The following DYM variants were observed in gnomAD, a reference collection of about 807,000 sequenced individuals.
DYM encodes the protein dyggve-Melchior-Clausen syndrome protein.
In DYM, 78 loss-of-function variants were observed where a neutral mutation model predicts 93.1. The ratio of observed to expected loss-of-function variants is 0.84; its 90% CI spans 0.70 to 1.01. The LOEUF (loss-of-function observed/expected upper bound fraction) is 1.01. Among genes scored for constraint, DYM ranks in the 50% least tolerant of loss-of-function variants. The pLI, the probability that DYM is intolerant of heterozygous loss-of-function variation, is 0.00. For missense variants in DYM, 789 were observed against 845.0 expected, an observed-to-expected ratio of 0.93 and a Z score of 0.82; for synonymous variants, 321 against 319.7, an observed-to-expected ratio of 1.00 and a Z score of -0.04.
Position 49,255,434 on chromosome 18 carries a change from G to A in DYM, c.1460+1576C>T, listed in dbSNP as rs370536223. On this transcript the variant is annotated intron_variant, in intron 13 of 17. Transcript: ENST00000675505. ...CTCATGCCTGTAATCCCAGCACTTTGGGAGGCAAGGTGGGCGGATCATGAG... is the reference window on the plus strand; with the variant it reads ...CTCATGCCTGTAATCCCAGCACTTTAGGAGGCAAGGTGGGCGGATCATGAG... Among the ~76,000 whole-genome samples, 19 of 152,078 alleles carry A rather than the reference G, an allele frequency of 1.2e-4. No homozygotes were observed. In the South Asian group the frequency reaches 3.9e-3, roughly 32 times the overall value.
At chr18:49,253,005 T>C (rs1440591431) in intron 13 of DYM, among the ~76,000 whole-genome samples, 2 of 152,190 alleles carry the variant, frequency 1.3e-5, no homozygotes, top group Non-Finnish European at 2.9e-5. Context: ...AGAAGGCACA[T>C]GGTCATTAAG....
intron 8 of DYM, among the ~76,000 whole-genome samples, chr18:49,290,636 C>A (rs969883806): frequency 2.6e-5 from 4 of 151,900 alleles, no homozygotes; most frequent in Admixed American, 6.6e-5. Flanking sequence ...AAAGGCCATT[C>A]ACAAACTACA....
At chr18:49,335,203 T>C (rs960376611) in intron 6 of DYM, among the ~76,000 whole-genome samples, 1 of 151,958 alleles carries the variant, frequency 6.6e-6, no homozygotes, top group Non-Finnish European at 1.5e-5. Context: ...CCTTATTACG[T>C]GGTTGAATAA....
intron 5 of DYM, among the ~76,000 whole-genome samples, chr18:49,370,357 G>GA (rs1378035782): frequency 6.6e-6 from 1 of 151,156 alleles, no homozygotes; most frequent in Non-Finnish European, 1.5e-5. Flanking sequence ...TACTTCCCTG[G>GA]ACCTTCCTTT....
chr18:49,456,369 T>C (rs569379403), intron 1 of DYM, among the ~76,000 whole-genome samples: 6 of 152,190 alleles, frequency 3.9e-5, no homozygotes, highest in Non-Finnish European at 8.8e-5. Flanking sequence ...CTGATACAGG[T>C]AGGGTTTTCA....
At chr18:49,224,017 A>G (rs1292037598) in intron 13 of DYM, among the ~76,000 whole-genome samples, 4 of 152,076 alleles carry the variant, frequency 2.6e-5, no homozygotes, top group Non-Finnish European at 5.9e-5. Context: ...TGATGAAGCA[A>G]GAGTTGACAT....
chr18:49,271,014 C>T (rs116570549), intron 11 of DYM, among the ~76,000 whole-genome samples: 174 of 152,246 alleles, frequency 1.1e-3, no homozygotes, highest in African/African-American at 3.9e-3. Context: ...CTATGTACAA[C>T]AAGGTACAGT....
chr18:49,231,691 C>G (rs1356533462), intron 13 of DYM, among the ~76,000 whole-genome samples: 1 of 152,186 alleles, frequency 6.6e-6, no homozygotes, highest in East Asian at 1.9e-4. Context: ...AGTGGATCTA[C>G]TTGTATCTGG....
chr18:49,143,886 G>A (rs753653886), intron 15 of DYM, among the ~76,000 whole-genome samples: 1 of 151,986 alleles, frequency 6.6e-6, no homozygotes, highest in Non-Finnish European at 1.5e-5. Flanking sequence ...CTTCTCCAGG[G>A]TTATTCTGAA....
chr18:49,195,505 A>G (rs1430144655), intron 14 of DYM, among the ~76,000 whole-genome samples: 1 of 152,178 alleles, frequency 6.6e-6, no homozygotes, highest in Non-Finnish European at 1.5e-5. Flanking sequence ...CACTCTTTCT[A>G]GCTAGCTATA....
chr18:49,274,379 T>C (rs2094795281), intron 10 of DYM, among the ~76,000 whole-genome samples: 1 of 152,188 alleles, frequency 6.6e-6, no homozygotes. Flanking sequence ...CACATTTCAT[T>C]TATCCATTCT....
chr18:49,179,231 A>G (rs1315933324), intron 14 of DYM, among the ~76,000 whole-genome samples: 2 of 152,066 alleles, frequency 1.3e-5, no homozygotes, highest in Non-Finnish European at 2.9e-5. Flanking sequence ...TTATTTTGCT[A>G]TGAGTTATTT....
chr18:49,171,088 A>G, intron 14 of DYM, among the ~76,000 whole-genome samples: 1 of 152,118 alleles, frequency 6.6e-6, no homozygotes. Context: ...GACTTTATCC[A>G]CTGTCAGAGG....
At position 49,443,508 on chromosome 18, in the gene DYM, GGACTGTA is replaced by G. The variant is rs1198103998; in HGVS notation, c.-53-13068_-53-13062del. ...TGATGTCACACTTGTAAGTCACAGTGGACTGTAGATTGTTTAAATCTAGTTAGATGTC... is the reference window on the plus strand; with the variant it reads ...TGATGTCACACTTGTAAGTCACAGTGGATTGTTTAAATCTAGTTAGATGTC... On this transcript the variant is annotated intron_variant, in intron 1 of 17. Transcript: ENST00000675505. Among the ~76,000 whole-genome samples, 3 of 152,244 alleles carry G rather than the reference GGACTGTA, an allele frequency of 2.0e-5. No individual in the cohort carries two copies. In the East Asian group the frequency reaches 5.8e-4, roughly 29 times the overall value.
intron 15 of DYM, among the ~76,000 whole-genome samples, chr18:49,142,332 T>C (rs2084611739): frequency 6.6e-6 from 1 of 152,214 alleles, no homozygotes; most frequent in African/African-American, 2.4e-5. Flanking sequence ...TTAAGTAACT[T>C]CCTCACTGTC....
chr18:49,413,801 G>C (rs758564261), intron 2 of DYM, among the ~76,000 whole-genome samples: 63 of 152,284 alleles, frequency 4.1e-4, no homozygotes, highest in Admixed American at 7.2e-4. Flanking sequence ...CTTGAGGTCA[G>C]GAGTTCAAGA....
intron 6 of DYM, among the ~76,000 whole-genome samples, chr18:49,343,480 C>T (rs961560780): frequency 6.6e-6 from 1 of 152,180 alleles, no homozygotes; most frequent in African/African-American, 2.4e-5. Flanking sequence ...ATGATCTTGG[C>T]TAAAATACCA....
intron 6 of DYM, among the ~76,000 whole-genome samples, chr18:49,360,996 A>G (rs2065966775): frequency 6.6e-6 from 1 of 152,220 alleles, no homozygotes; most frequent in African/African-American, 2.4e-5. Context: ...GCTAGAGTGG[A>G]TATGCTCTGC....
chr18:49,214,938 T>C (rs2092957843), intron 13 of DYM, among the ~76,000 whole-genome samples: 2 of 152,176 alleles, frequency 1.3e-5, no homozygotes. Context: ...CAGGAGGTCA[T>C]CATGTGCAAG....
Sources: gnomAD v4.1 joint callset for allele counts (sites outside exome capture counted in the v4.1 genomes callset) on GRCh38, gnomAD v4.1.1 for gene constraint, MANE v1.5 for transcripts, NCBI Gene and HGNC (gene_info 2026-07-23, HGNC 2026-07-21) for gene names.